The following LNX2 variants were observed in gnomAD, a reference collection of about 807,000 sequenced individuals.
The protein encoded by LNX2 is ligand of numb-protein X 2.
In LNX2, 35 loss-of-function variants were observed where a neutral mutation model predicts 66.2. That is an observed-to-expected ratio of 0.53 (90% CI 0.40 to 0.70). The LOEUF is 0.70. Ranked by LOEUF, LNX2 falls within the 30% of genes least tolerant of loss-of-function variation. The pLI, the probability that LNX2 is intolerant of heterozygous loss-of-function variation, is 0.00. For missense variants in LNX2, 791 were observed against 850.8 expected (o/e 0.93, Z 0.87); for synonymous variants, 337 against 315.6 (o/e 1.07, Z -0.72).
intron 1 of LNX2, among the ~76,000 whole-genome samples, chr13:27,594,494 CATA>C (rs1955575977): frequency 6.6e-6 from 1 of 152,138 alleles, no homozygotes; most frequent in South Asian, 2.1e-4. Flanking sequence ...TCTTCTTCTT[CATA>C]ATGAGATAAA....
intron 5 of LNX2, 67 bp from the exon 6 acceptor site, chr13:27,560,052 A>T: frequency 7.4e-7 from 1 of 1,349,976 alleles, no homozygotes; most frequent in Non-Finnish European, 9.9e-7. Context: ...GATTACACAC[A>T]GTGTAATTTT....
intron 1 of LNX2, among the ~76,000 whole-genome samples, chr13:27,591,691 A>AT (rs1295485172): frequency 1.3e-4 from 20 of 152,346 alleles, no homozygotes; most frequent in Admixed American, 6.5e-4. Flanking sequence ...CTGAACAGAC[A>AT]AAAATCCCTG....
intron 2 of LNX2, among the ~76,000 whole-genome samples, chr13:27,572,544 C>G (rs961917500): frequency 9.9e-5 from 15 of 152,116 alleles, no homozygotes; most frequent in African/African-American, 3.4e-4. Context: ...TAAATAAAAC[C>G]AAAATGCTCT....
At chr13:27,577,836 G>T (rs955990336) in intron 2 of LNX2, among the ~76,000 whole-genome samples, 1 of 152,138 alleles carries the variant, frequency 6.6e-6, no homozygotes, top group Non-Finnish European at 1.5e-5. Flanking sequence ...ATGTTAAATC[G>T]TTAAGGGTGG....
chr13:27,563,143 G>A (rs1376261140), intron 4 of LNX2, among the ~76,000 whole-genome samples: 1 of 152,156 alleles, frequency 6.6e-6, no homozygotes, highest in African/African-American at 2.4e-5. Flanking sequence ...CATGGGATCA[G>A]TATGAGAATG....
At chr13:27,583,004 C>T (rs982506279) in intron 1 of LNX2, among the ~76,000 whole-genome samples, 7 of 151,886 alleles carry the variant, frequency 4.6e-5, no homozygotes, top group Admixed American at 3.3e-4. Context: ...ATCTGCATAG[C>T]GTATATAAAT....
chr13:27,601,585 A>G (rs1566131364), intron 1 of LNX2, among the ~76,000 whole-genome samples: 1 of 152,246 alleles, frequency 6.6e-6, no homozygotes, highest in African/African-American at 2.4e-5. Context: ...GCTCATAAAT[A>G]TCACTGGAGC....
At chr13:27,587,766 A>C (rs550712808) in intron 1 of LNX2, among the ~76,000 whole-genome samples, 3 of 151,942 alleles carry the variant, frequency 2.0e-5, no homozygotes, top group Non-Finnish European at 4.4e-5. Flanking sequence ...TCACGCCTGT[A>C]ATCCCAGCAC....
chr13:27,573,797 CAAT>C (rs1225413332), intron 2 of LNX2, among the ~76,000 whole-genome samples: 3 of 151,926 alleles, frequency 2.0e-5, no homozygotes, highest in African/African-American at 4.8e-5. Flanking sequence ...CAAACAACAA[CAAT>C]AACAAGTCCT....
chr13:27,561,508 T>G (rs1016697928), intron 5 of LNX2, among the ~76,000 whole-genome samples: 9 of 152,236 alleles, frequency 5.9e-5, no homozygotes, highest in Admixed American at 5.2e-4. Flanking sequence ...GCATCCAATT[T>G]CTTTAAACCT....
At chr13:27,584,855 C>T (rs545094540) in intron 1 of LNX2, among the ~76,000 whole-genome samples, 2 of 152,050 alleles carry the variant, frequency 1.3e-5, no homozygotes, top group South Asian at 2.1e-4. Flanking sequence ...CGGTGGCTCA[C>T]GCCTGTAATC....
intron 1 of LNX2, among the ~76,000 whole-genome samples, chr13:27,611,901 G>A (rs1955777855): frequency 6.6e-6 from 1 of 152,194 alleles, no homozygotes; most frequent in African/African-American, 2.4e-5. Flanking sequence ...TGTTTTACAA[G>A]GTTAAAGATT....
intron 5 of LNX2, among the ~76,000 whole-genome samples, chr13:27,560,348 AG>A (rs1955116171): frequency 6.6e-6 from 1 of 152,106 alleles, no homozygotes; most frequent in South Asian, 2.1e-4. Context: ...GACAGAGCAA[AG>A]GAAATAAAAG....
intron 1 of LNX2, among the ~76,000 whole-genome samples, chr13:27,619,047 A>G (rs953665315): frequency 2.0e-5 from 3 of 152,258 alleles, no homozygotes; most frequent in Admixed American, 2.0e-4. Context: ...TAGGTACTTT[A>G]TCAGTGGCTA....
At chr13:27,595,430 A>G (rs1170228102) in intron 1 of LNX2, among the ~76,000 whole-genome samples, 1 of 152,158 alleles carries the variant, frequency 6.6e-6, no homozygotes, top group Non-Finnish European at 1.5e-5. Flanking sequence ...CATGCCTGAC[A>G]TGAGTATGTG....
intron 1 of LNX2, among the ~76,000 whole-genome samples, chr13:27,583,215 T>A (rs1274902467): frequency 4.3e-5 from 1 of 23,000 alleles, no homozygotes; most frequent in Non-Finnish European, 7.6e-5. Flanking sequence ...TGTGTGTGTG[T>A]GTGTGTGTGT....
chr13:27,572,940 T>C (rs1955300547), intron 2 of LNX2, among the ~76,000 whole-genome samples: 1 of 152,206 alleles, frequency 6.6e-6, no homozygotes. Flanking sequence ...ATTCAAGTCA[T>C]GTCAGTGAAA....
chr13:27,597,981 A>G (rs1212369448), intron 1 of LNX2, among the ~76,000 whole-genome samples: 2 of 152,124 alleles, frequency 1.3e-5, no homozygotes, highest in Non-Finnish European at 2.9e-5. Context: ...TCCATTTACT[A>G]TTTTACTCTA....
chr13:27,615,704 ACAGGG>A (rs1955818883), intron 1 of LNX2, among the ~76,000 whole-genome samples: 1 of 152,216 alleles, frequency 6.6e-6, no homozygotes, highest in African/African-American at 2.4e-5. Context: ...ATGCCAGGAA[ACAGGG>A]ATAAAGACCA....
Sources: gnomAD v4.1 joint callset for allele counts (sites outside exome capture counted in the v4.1 genomes callset) on GRCh38, gnomAD v4.1.1 for gene constraint, MANE v1.5 for transcripts, NCBI Gene and HGNC (gene_info 2026-07-23, HGNC 2026-07-21) for gene names.